CAPNS1: variants seen among roughly 807,000 people sequenced by gnomAD.
CAPNS1 encodes the protein CANP small subunit.
In CAPNS1, 32 loss-of-function variants were observed where a neutral mutation model predicts 39.2. That is an observed-to-expected ratio of 0.82 (90% CI 0.62 to 1.10). The LOEUF is 1.10. CAPNS1 is among the 50% of genes least tolerant of loss of function. The probability of loss-of-function intolerance (pLI) is 0.00; values close to 1 mark genes in which losing one functional copy is unlikely to be tolerated. For synonymous variants in CAPNS1, 153 were observed against 136.2 expected (o/e 1.12, Z -0.86); for missense variants, 353 against 373.1 (o/e 0.95, Z 0.44).
chr19:36,147,695 G>T (rs140368974), intron 9 of CAPNS1, among the ~76,000 whole-genome samples: 132 of 152,058 alleles, frequency 8.7e-4, no homozygotes, highest in African/African-American at 3.2e-3. Flanking sequence ...GAACCCAGGA[G>T]GCGGAGCTTG....
At position 36,142,367 on chromosome 19, in the gene CAPNS1, T is replaced by A; in HGVS notation, c.243+34T>A. The stretch of plus-strand genomic sequence containing the variant: ...CCTCTGCAACCAGACCCCCTTCTCC[T>A]GCCAAGGCCTCTTCGAGGTCCCATC... On this transcript the variant is annotated intron_variant, in intron 3 of 10. Transcript: ENST00000246533. 1 of 1,256,602 alleles carries A rather than the reference T, an allele frequency of 8.0e-7. No homozygotes were observed. Among genetic ancestry groups the A allele is most frequent in the Non-Finnish European group, 1.1e-6 (1 of 895,192 alleles). 77.8% of individuals were successfully genotyped at this position (1,256,602 alleles called of 1,614,324 possible). A position where few individuals can be genotyped will look rare whatever the true frequency, so the allele number is the denominator to read the frequency against.
At position 36,149,928 on chromosome 19, in the gene CAPNS1, C is replaced by A; in HGVS notation, c.*89C>A. The A allele has an allele frequency of 8.1e-7, 1 of 1,238,462 alleles. No individual in the cohort carries two copies. Among genetic ancestry groups the A allele is most frequent in the Non-Finnish European group, 1.1e-6 (1 of 940,162 alleles). 76.7% of individuals were successfully genotyped at this position (1,238,462 alleles called of 1,614,324 possible). A position where few individuals can be genotyped will look rare whatever the true frequency, so the allele number is the denominator to read the frequency against. ...TCCCAGGGCCGATCCTGTCTGCAGT[C>A]ACATCTTTGTGGGGCCTGCTGACCC... On this transcript the variant is annotated 3_prime_UTR_variant, in exon 11 of 11. Transcript: ENST00000246533.
intron 2 of CAPNS1, 118 bp downstream of exon 2, chr19:36,141,338 G>GT: frequency 7.2e-7 from 1 of 1,382,718 alleles, no homozygotes; most frequent in Non-Finnish European, 9.4e-7. Flanking sequence ...GCTAACCTGG[G>GT]TACATGAATT....
At position 36,142,272 on chromosome 19, in the gene CAPNS1, C is replaced by A. The variant is rs746788790; in HGVS notation, c.210-28C>A. 6.4e-6 allele frequency: 10 copies of A among 1,564,326 alleles called. No homozygotes were observed. The African/African-American group carries it at 1.4e-4, about 21-fold the overall frequency. ...CCCGTTGGAGGCCCCGCCCCTGGCA[C>A]TAACCCCTCCCCCTTATCTCTTCGC... On this transcript the variant is annotated intron_variant, in intron 2 of 10. Coordinates refer to ENST00000246533, the MANE Select transcript of CAPNS1 (RefSeq NM_001749.4).
chr19:36,141,065 C>CGGGGGCCTGGGT lies in CAPNS1; in HGVS notation c.66_77dup (p.Gly23_Gly26dup), dbSNP rs760030225. The CGGGGGCCTGGGT allele has an allele frequency of 2.9e-5, 15 of 524,374 alleles. No individual in the cohort carries two copies. In the Admixed American group the frequency reaches 5.2e-4, roughly 18 times the overall value. The allele number at this position is 524,374 out of a possible 1,614,324, so 32.5% of individuals were successfully genotyped here. ...GCGGCGGCGGCGGCGGCGGGGGAGG[C>CGGGGGCCTGGGT]GGGGGCCTGGGTGGGGGCCTGGGAA... On this transcript the variant is annotated inframe_insertion, in exon 2 of 11. Coordinates refer to ENST00000246533, the MANE Select transcript of CAPNS1 (RefSeq NM_001749.4).
Position 36,141,122 on chromosome 19 carries a change from G to A in CAPNS1, c.111G>A (p.Gly37=), listed in dbSNP as rs550053789. The A allele has an allele frequency of 4.4e-3, 5,873 of 1,321,602 alleles. 24 individuals carry two copies. Among genetic ancestry groups the A allele is most frequent in the Non-Finnish European group, 5.4e-3 (5,508 of 1,019,310 alleles). The allele number at this position is 1,321,602 out of a possible 1,614,324, so 81.9% of individuals were successfully genotyped here. The change falls in exon 2 of 11, where the codon GGG becomes GGA. Residue 37 remains glycine (G), a synonymous_variant. Coordinates refer to ENST00000246533, the MANE Select transcript of CAPNS1 (RefSeq NM_001749.4). Reference sequence around the variant, plus strand: ...TTGGAGGCCTGATCAGCGGGGCCGGGGGCGGCGGCGGCGGCGGCGGCGGCG... The same window carrying A: ...TTGGAGGCCTGATCAGCGGGGCCGGAGGCGGCGGCGGCGGCGGCGGCGGCG... ...NVLGGLISGA[G]GGGGGGGGGG... is the part of the protein sequence containing the mutation.
intron 3 of CAPNS1, 152 bp downstream of exon 3, chr19:36,142,485 T>A (rs868609339): frequency 7.2e-6 from 5 of 698,704 alleles, no homozygotes; most frequent in South Asian, 6.8e-5. Flanking sequence ...TCGCCATGGG[T>A]CTTAGCCATG....
chr19:36,141,122 G>GGGC lies in CAPNS1; in HGVS notation c.141_143dup (p.Gly56dup), dbSNP rs536693322. Reference sequence around the variant, plus strand: ...TTGGAGGCCTGATCAGCGGGGCCGGGGGCGGCGGCGGCGGCGGCGGCGGCG... The same window carrying GGGC: ...TTGGAGGCCTGATCAGCGGGGCCGGGGGCGGCGGCGGCGGCGGCGGCGGCGGCG... On this transcript the variant is annotated inframe_insertion, in exon 2 of 11. Transcript: ENST00000246533. The GGGC allele has an allele frequency of 0.033, 44,146 of 1,319,958 alleles. 459 individuals are homozygous for GGGC. Among genetic ancestry groups the GGGC allele is most frequent in the Middle Eastern group, 0.067 (239 of 3,550 alleles). 81.8% of individuals were successfully genotyped at this position (1,319,958 alleles called of 1,614,324 possible).
At position 36,147,794 on chromosome 19, in the gene CAPNS1, C is replaced by T. The variant is rs532505342; in HGVS notation, c.721+1482C>T. On this transcript the variant is annotated intron_variant, in intron 9 of 10. Transcript: ENST00000246533. Reference sequence around the variant, plus strand: ...AAAAAAAATCCCTTGGCCTCCAGGCCGGGTGCAGTGGCTTATGCCTGTAAT... The same window carrying T: ...AAAAAAAATCCCTTGGCCTCCAGGCTGGGTGCAGTGGCTTATGCCTGTAAT... 1.7e-4 allele frequency among the ~76,000 whole-genome samples: 25 copies of T among 148,996 alleles called. No homozygotes were observed. The South Asian group carries it at 4.3e-3, about 26-fold the overall frequency.
chr19:36,148,987 G>T (rs912051673), intron 9 of CAPNS1, among the ~76,000 whole-genome samples: 2 of 152,160 alleles, frequency 1.3e-5, no homozygotes, highest in Non-Finnish European at 2.9e-5. Flanking sequence ...TAAGACTCTA[G>T]GGGCAGGAAG....
chr19:36,143,255 C>A, intron 6 of CAPNS1, 127 bp downstream of exon 6: 1 of 825,102 alleles, frequency 1.2e-6, no homozygotes, highest in South Asian at 1.4e-5. Flanking sequence ...AACACAGTCA[C>A]CTGCAGACAT....
intron 6 of CAPNS1, among the ~76,000 whole-genome samples, chr19:36,144,901 G>A (rs370477129): frequency 5.9e-5 from 9 of 152,296 alleles, no homozygotes; most frequent in African/African-American, 1.9e-4. Context: ...AGTGTATAGC[G>A]CATAGTATGT....
intron 9 of CAPNS1, chr19:36,148,048 C>T (rs1471623455): frequency 6.8e-6 from 1 of 147,790 alleles, no homozygotes; most frequent in Non-Finnish European, 1.5e-5. Context: ...CTCCAGCCTC[C>T]AACCTGGGTG....
At chr19:36,146,075 C>G (rs372305597) in intron 8 of CAPNS1, 21 bp downstream of exon 8, 1 of 1,612,246 alleles carries the variant, frequency 6.2e-7, no homozygotes, top group Non-Finnish European at 8.5e-7. Context: ...CAGGGACATG[C>G]TGGGGCTGGG....
chr19:36,146,191 C>T lies in CAPNS1; in HGVS notation c.605-5C>T. 1 of 1,606,856 alleles carries T rather than the reference C, an allele frequency of 6.2e-7. No homozygotes were observed. The highest frequency in any genetic ancestry group is 8.5e-7 in the Non-Finnish European group (1 of 1,173,298). On this transcript the variant is annotated splice_region_variant and splice_polypyrimidine_tract_variant and intron_variant, in intron 8 of 10. Transcript: ENST00000246533. ...CCCGCACCTGAAGGACTACATCCAT[C>T]TTAGGGTTCCACCTGAATGAGCATC...
At chr19:36,143,196 A>G (rs1974444298) in intron 6 of CAPNS1, 68 bp downstream of exon 6, 1 of 1,368,228 alleles carries the variant, frequency 7.3e-7, no homozygotes, top group Non-Finnish European at 1.0e-6. Context: ...ATGTTTGGGA[A>G]GCCAACATGT....
At position 36,146,072 on chromosome 19, in the gene CAPNS1, A is replaced by G; in HGVS notation, c.604+18A>G. 6.2e-7 allele frequency: 1 copy of G among 1,613,188 alleles called. No homozygotes were observed. The highest frequency in any genetic ancestry group is 1.7e-5 in the Admixed American group (1 of 60,014). On this transcript the variant is annotated intron_variant, in intron 8 of 10. Coordinates refer to ENST00000246533, the MANE Select transcript of CAPNS1 (RefSeq NM_001749.4). Reference sequence around the variant, plus strand: ...GGCAGCAGGTATGGCTGGCAGGGACATGCTGGGGCTGGGAGTGGGATGGGT... The same window carrying G: ...GGCAGCAGGTATGGCTGGCAGGGACGTGCTGGGGCTGGGAGTGGGATGGGT...
intron 6 of CAPNS1, chr19:36,145,498 G>C (rs993290063): frequency 3.4e-6 from 1 of 291,090 alleles, no homozygotes; most frequent in Non-Finnish European, 6.6e-6. Context: ...GCCACCGTGC[G>C]TGGCCTATTA....
chr19:36,146,169 G>T (rs201371089), intron 8 of CAPNS1, 27 bp from the exon 9 acceptor site: 11 of 1,582,422 alleles, frequency 7.0e-6, no homozygotes, highest in Non-Finnish European at 6.1e-6. Context: ...TGTGGCCCCC[G>T]CACCTGAAGG....
Sources: gnomAD v4.1 joint callset for allele counts (sites outside exome capture counted in the v4.1 genomes callset) on GRCh38, gnomAD v4.1.1 for gene constraint, MANE v1.5 for transcripts, NCBI Gene and HGNC (gene_info 2026-07-23, HGNC 2026-07-21) for gene names.